Variants in NMUR2 observed in about 807,000 individuals in gnomAD.
NMUR2 encodes the protein neuromedin U receptor 2, also known as neuromedin-U receptor 2.
Under a neutral mutation model 25.1 loss-of-function variants are expected in NMUR2, and 24 were observed. That is an observed-to-expected ratio of 0.96 (90% CI 0.69 to 1.34). NMUR2 has a LOEUF of 1.34. Among genes scored for constraint, NMUR2 ranks in the 40% most tolerant of loss-of-function variants. The pLI is 0.00. For missense variants in NMUR2, 533 were observed against 512.8 expected (o/e 1.04, Z -0.38); for synonymous variants, 218 against 208.1 (o/e 1.05, Z -0.41).
In NMUR2 at chr5:152,395,496, G is replaced by T; in HGVS notation, c.900C>A (p.Ser300=). 1 of 1,613,396 alleles carries T rather than the reference G, an allele frequency of 6.2e-7. No homozygotes were observed. The stretch of plus-strand genomic sequence containing the variant: ...GGACGAGGTTGAACACAGCAGCCAG[G>T]GATTCACTCCACTCCTCCACAAAGC... The part of the protein sequence containing the change: ...FFSFVEEWSE[S]LAAVFNLVHV... The change falls in exon 3 of 4, where the codon TCC becomes TCA. Residue 300 remains serine (S), a synonymous_variant. Transcript: ENST00000255262.
chr5:152,404,685 C>T lies in NMUR2; in HGVS notation c.429G>A (p.Glu143=). Residue 143 remains glutamate, a synonymous_variant, in exon 1 of 4, where the codon GAG becomes GAA. Transcript: ENST00000255262. ...ACGGGTGTAGGATGGCCACGTAGCGCTCCACGCTGACGGTGGTGATGCTGA... is the reference window on the plus strand; with the variant it reads ...ACGGGTGTAGGATGGCCACGTAGCGTTCCACGCTGACGGTGGTGATGCTGA... ...SILSITTVSV[E]RYVAILHPFR... is the part of the protein sequence containing the mutation. 1.2e-6 allele frequency: 2 copies of T among 1,614,154 alleles called. No homozygotes were observed. The highest frequency in any genetic ancestry group is 1.7e-6 in the Non-Finnish European group (2 of 1,180,040).
In NMUR2 at chr5:152,405,182, A is replaced by C. The variant is rs866000890; in HGVS notation, c.-69T>G. 159 of 1,493,086 alleles carry C rather than the reference A, an allele frequency of 1.1e-4. No individual in the cohort carries two copies. The highest frequency in any genetic ancestry group is 1.1e-3 in the Middle Eastern group (5 of 4,702). The allele number at this position is 1,493,086 out of a possible 1,614,324, so 92.5% of individuals were successfully genotyped here. On this transcript the variant is annotated 5_prime_UTR_variant, in exon 1 of 4. Coordinates refer to ENST00000255262, the MANE Select transcript of NMUR2 (RefSeq NM_020167.5). ...CAAGCTGAGCCAGGAAAAAAAAAAA[A>C]AAAAGAAAAAAGGAAAACAAAAAAG... is the stretch of plus-strand genomic sequence containing the variant.
rs1352413085 is a variant in NMUR2, at chr5:152,404,593, G to A, written c.521C>T (p.Ser174Phe). ...LRILGIVWGF[S>F]VLFSLPNTSI... Reference sequence around the variant, plus strand: ...GGTGTTGGGCAGGGAGAAGAGCACGGAGAAGCCCCAGACGATGCCGAGGAT... The same window carrying A: ...GGTGTTGGGCAGGGAGAAGAGCACGAAGAAGCCCCAGACGATGCCGAGGAT... Residue 174 changes from serine (S) to phenylalanine (F), a missense_variant, in exon 1 of 4, where the codon TCC becomes TTC. Ser to Phe is a radical substitution (Grantham distance 155). Coordinates refer to ENST00000255262, the MANE Select transcript of NMUR2 (RefSeq NM_020167.5). 1 of 1,614,130 alleles carries A rather than the reference G, an allele frequency of 6.2e-7. No individual in the cohort carries two copies. The highest frequency in any genetic ancestry group is 2.2e-5 in the East Asian group (1 of 44,854).
intron 3 of NMUR2, among the ~76,000 whole-genome samples, chr5:152,394,237 T>G (rs986570179): frequency 1.3e-5 from 2 of 152,314 alleles, no homozygotes; most frequent in East Asian, 3.9e-4. Context: ...CTAAGAGGTA[T>G]ACATATTTTT....
intron 1 of NMUR2, among the ~76,000 whole-genome samples, chr5:152,403,566 C>A (rs563775706): frequency 4.6e-5 from 7 of 151,962 alleles, no homozygotes; most frequent in Admixed American, 3.9e-4. Context: ...TAAGTGATAT[C>A]TTTTTCTTAA....
At chr5:152,401,529 A>T (rs1412953152) in intron 1 of NMUR2, among the ~76,000 whole-genome samples, 1 of 152,194 alleles carries the variant, frequency 6.6e-6, no homozygotes, top group Non-Finnish European at 1.5e-5. Flanking sequence ...TAATCTTAAC[A>T]CAATCTATTT....
At chr5:152,396,378 G>A (rs1753151038) in intron 2 of NMUR2, among the ~76,000 whole-genome samples, 1 of 152,172 alleles carries the variant, frequency 6.6e-6, no homozygotes, top group African/African-American at 2.4e-5. Context: ...GAAGCTGGGT[G>A]ATGGGTACAT....
At position 152,397,261 on chromosome 5, in the gene NMUR2, A is replaced by G. The variant is rs372109495; in HGVS notation, c.811+799T>C. Among the ~76,000 whole-genome samples the G allele has an allele frequency of 4.9e-4, 75 of 152,218 alleles. 1 individual carries two copies. The South Asian group carries it at 0.015, about 31-fold the overall frequency. ...TTAGCCTGGAGGATTCATTTCTTCTAAACTTTAGATTTTGATTTGCAAAAT... is the reference window on the plus strand; with the variant it reads ...TTAGCCTGGAGGATTCATTTCTTCTGAACTTTAGATTTTGATTTGCAAAAT... On this transcript the variant is annotated intron_variant, in intron 2 of 3. Coordinates refer to ENST00000255262, the MANE Select transcript of NMUR2 (RefSeq NM_020167.5).
chr5:152,396,880 C>G lies in NMUR2; in HGVS notation c.811+1180G>C, dbSNP rs533276389. On this transcript the variant is annotated intron_variant, in intron 2 of 3. Coordinates refer to ENST00000255262, the MANE Select transcript of NMUR2 (RefSeq NM_020167.5). ...CTCCAGCCAGGGCAACAGGGCAAGACTCCATCTCAAAAACAACAACAACAA... is the reference window on the plus strand; with the variant it reads ...CTCCAGCCAGGGCAACAGGGCAAGAGTCCATCTCAAAAACAACAACAACAA... Among the ~76,000 whole-genome samples the G allele has an allele frequency of 7.2e-5, 11 of 152,096 alleles. No individual in the cohort carries two copies. The South Asian group carries it at 2.3e-3, about 32-fold the overall frequency.
In NMUR2 at chr5:152,395,473, A is replaced by T; in HGVS notation, c.923T>A (p.Val308Asp). 6.2e-7 allele frequency: 1 copy of T among 1,613,588 alleles called. No homozygotes were observed. Among genetic ancestry groups the T allele is most frequent in the Non-Finnish European group, 8.5e-7 (1 of 1,179,686 alleles). The change falls in exon 3 of 4, where the codon GTC becomes GAC. Residue 308 changes from valine (V) to aspartate (D), a missense_variant. By Grantham distance (152) the Val-to-Asp change is radical (BLOSUM62 -3). Transcript: ENST00000255262. The stretch of plus-strand genomic sequence containing the variant: ...TAAGGTTTTACCTGACACCACATGG[A>T]CGAGGTTGAACACAGCAGCCAGGGA... ...SESLAAVFNL[V>D]HVVSGVFFYL... is the part of the protein sequence containing the mutation.
Position 152,392,135 on chromosome 5 carries a change from TG to T in NMUR2, c.*55del, listed in dbSNP as rs1479450965. 3.2e-5 allele frequency: 45 copies of T among 1,405,264 alleles called. No homozygotes were observed. Among genetic ancestry groups the T allele is most frequent in the Non-Finnish European group, 4.4e-5 (45 of 1,012,942 alleles). The allele number at this position is 1,405,264 out of a possible 1,614,324, so 87.0% of individuals were successfully genotyped here. A position where few individuals can be genotyped will look rare whatever the true frequency, so the allele number is the denominator to read the frequency against. On this transcript the variant is annotated 3_prime_UTR_variant, in exon 4 of 4. Coordinates refer to ENST00000255262, the MANE Select transcript of NMUR2 (RefSeq NM_020167.5). ...ATATCATATGAGAAGGCATACATTA[TG>T]GGATGTTCCTCTCTGAAGTTTTGAG...
At chr5:152,398,800 C>G (rs1389189617) in intron 1 of NMUR2, among the ~76,000 whole-genome samples, 1 of 152,140 alleles carries the variant, frequency 6.6e-6, no homozygotes, top group East Asian at 1.9e-4. Context: ...ACCATCTTGA[C>G]AAACACAAAT....
chr5:152,401,649 A>G (rs1349299531), intron 1 of NMUR2, among the ~76,000 whole-genome samples: 5 of 152,242 alleles, frequency 3.3e-5, no homozygotes, highest in Admixed American at 1.3e-4. Context: ...AGATGTAAGA[A>G]CTAAATCAGA....
chr5:152,394,781 G>T (rs1458043859), intron 3 of NMUR2, among the ~76,000 whole-genome samples: 2 of 150,940 alleles, frequency 1.3e-5, no homozygotes, highest in African/African-American at 2.4e-5. Flanking sequence ...AGCTTAAAGA[G>T]CTCTTTAATG....
intron 1 of NMUR2, 148 bp from the exon 2 acceptor site, chr5:152,398,292 G>A: frequency 1.6e-6 from 1 of 625,230 alleles, no homozygotes; most frequent in East Asian, 2.8e-5. Context: ...ATGTTTAACA[G>A]TATGTTGAAG....
intron 3 of NMUR2, among the ~76,000 whole-genome samples, 195 bp from the exon 4 acceptor site, chr5:152,392,696 C>T (rs1261451901): frequency 1.3e-5 from 2 of 152,144 alleles, no homozygotes; most frequent in African/African-American, 4.8e-5. Context: ...AGCCATCAAA[C>T]ACAAAGATTA....
At chr5:152,397,017 T>G (rs1386376257) in intron 2 of NMUR2, among the ~76,000 whole-genome samples, 8 of 145,830 alleles carry the variant, frequency 5.5e-5, no homozygotes, top group African/African-American at 1.7e-4. Context: ...TTCATGTTTT[T>G]TTTTTTTTTT....
At chr5:152,398,464 A>G (rs1753200318) in intron 1 of NMUR2, among the ~76,000 whole-genome samples, 2 of 152,164 alleles carry the variant, frequency 1.3e-5, no homozygotes, top group South Asian at 4.1e-4. Context: ...AAAAGTTAGA[A>G]AGGCTTCTCA....
chr5:152,394,453 C>T (rs1753115348), intron 3 of NMUR2, among the ~76,000 whole-genome samples: 1 of 152,168 alleles, frequency 6.6e-6, no homozygotes, highest in Non-Finnish European at 1.5e-5. Context: ...GTGATGTCTT[C>T]TATAATCTAA....
Sources: gnomAD v4.1 joint callset for allele counts (sites outside exome capture counted in the v4.1 genomes callset) on GRCh38, gnomAD v4.1.1 for gene constraint, MANE v1.5 for transcripts, NCBI Gene and HGNC (gene_info 2026-07-23, HGNC 2026-07-21) for gene names.